The following DAB1 variants were observed in gnomAD, a reference collection of about 807,000 sequenced individuals.
DAB1 encodes DAB adaptor protein 1.
A neutral mutation model predicts 64.6 loss-of-function variants in DAB1; 15 were observed. That is an observed-to-expected ratio of 0.23 (90% CI 0.16 to 0.36). The LOEUF (loss-of-function observed/expected upper bound fraction) is 0.36, where lower values mean the gene tolerates loss of function less well. Ranked by LOEUF, DAB1 falls within the 10% of genes least tolerant of loss-of-function variation. The pLI is 1.00. For synonymous variants in DAB1, 235 were observed against 251.9 expected (o/e 0.93, Z 0.64); for missense variants, 596 against 706.7 (o/e 0.84, Z 1.78).
chr1:57,523,029 G>C (rs543086376), intron 7 of DAB1, among the ~76,000 whole-genome samples: 1 of 152,302 alleles, frequency 6.6e-6, no homozygotes, highest in South Asian at 2.1e-4. Flanking sequence ...TTGAGACTCA[G>C]ACTGGCTTTC....
rs529699312 is a variant in DAB1 at position 58,481,912 on chromosome 1, T to A, written n.257+24148A>T. 3.9e-5 allele frequency among the ~76,000 whole-genome samples: 6 copies of A among 152,352 alleles called. No homozygotes were observed. In the South Asian group the frequency reaches 1.2e-3, roughly 32 times the overall value. ...TCAGCCATATGGAACTGTAAGTCAATTAAACCTCTTTCCTTCATAAATTAC... is the reference window on the plus strand; with the variant it reads ...TCAGCCATATGGAACTGTAAGTCAAATAAACCTCTTTCCTTCATAAATTAC... On this transcript the variant is annotated intron_variant and non_coding_transcript_variant, in intron 3 of 20. Transcript: ENST00000485760.
chr1:57,959,211 A>G (rs1474727645), intron 5 of DAB1, among the ~76,000 whole-genome samples: 1 of 152,216 alleles, frequency 6.6e-6, no homozygotes, highest in African/African-American at 2.4e-5. Flanking sequence ...TTCAACTGAA[A>G]TATGGGACAG....
intron 6 of DAB1, among the ~76,000 whole-genome samples, chr1:57,665,849 C>CTG (rs397862533): frequency 0.13 from 17,301 of 137,040 alleles, 987 homozygotes; most frequent in Admixed American, 0.15. Context: ...TTTTAATTAT[C>CTG]TGTGTGTGTG....
intron 5 of DAB1, among the ~76,000 whole-genome samples, chr1:57,910,833 G>C (rs1644632924): frequency 6.6e-6 from 1 of 152,174 alleles, no homozygotes. Flanking sequence ...AACAGACCAG[G>C]GTTTGGATCT....
At chr1:58,089,961 T>G (rs1369619858) in intron 5 of DAB1, among the ~76,000 whole-genome samples, 1 of 152,210 alleles carries the variant, frequency 6.6e-6, no homozygotes, top group Non-Finnish European at 1.5e-5. Flanking sequence ...AACAATTACC[T>G]AGACTCAACA....
intron 3 of DAB1, among the ~76,000 whole-genome samples, chr1:57,141,902 G>C (rs769812243): frequency 1.3e-5 from 2 of 152,074 alleles, no homozygotes; most frequent in East Asian, 1.9e-4. Flanking sequence ...GTGTCTTGTC[G>C]AACACAGGCC....
intron 2 of DAB1, among the ~76,000 whole-genome samples, chr1:57,240,624 A>G (rs1446244278): frequency 6.6e-6 from 1 of 152,198 alleles, no homozygotes; most frequent in Non-Finnish European, 1.5e-5. Flanking sequence ...TGTATGCCCA[A>G]TATTGCTTAC....
chr1:57,493,753 G>A (rs537883643), intron 7 of DAB1, among the ~76,000 whole-genome samples: 19 of 134,752 alleles, frequency 1.4e-4, no homozygotes, highest in African/African-American at 6.1e-4. Context: ...GCAGGCTGAC[G>A]TATTCACAGC....
chr1:57,958,809 C>T (rs553377958), intron 5 of DAB1, among the ~76,000 whole-genome samples: 3 of 152,268 alleles, frequency 2.0e-5, no homozygotes, highest in Admixed American at 2.0e-4. Context: ...ACATCATCTT[C>T]CTTCTATGCT....
chr1:57,817,775 G>A (rs535733115), intron 6 of DAB1, among the ~76,000 whole-genome samples: 5 of 152,206 alleles, frequency 3.3e-5, no homozygotes, highest in East Asian at 1.9e-4. Flanking sequence ...ATCTAAGTCC[G>A]TGCTTTCCTC....
intron 4 of DAB1, among the ~76,000 whole-genome samples, chr1:58,307,750 T>G: frequency 7.0e-6 from 1 of 142,464 alleles, no homozygotes. Context: ...ATTTTGGGGG[T>G]GAAGTGAGTG....
rs368788602 is a variant in DAB1, at chr1:58,452,705, A to G, written n.257+53355T>C. ...GCTGGGCATGATGGTGGGTGCCTGT[A>G]CTACTCCCAGCTACTCAGAGGCTGA... On this transcript the variant is annotated intron_variant and non_coding_transcript_variant, in intron 3 of 20. Transcript: ENST00000485760. Among the ~76,000 whole-genome samples, 8 of 151,648 alleles carry G rather than the reference A, an allele frequency of 5.3e-5. No individual in the cohort carries two copies. The East Asian group carries it at 1.4e-3, about 26-fold the overall frequency.
At chr1:57,996,603 A>G (rs1646428881) in intron 5 of DAB1, among the ~76,000 whole-genome samples, 1 of 152,208 alleles carries the variant, frequency 6.6e-6, no homozygotes, top group African/African-American at 2.4e-5. Context: ...TCACTTTGAC[A>G]GCATCTTCCG....
At chr1:58,459,562 G>A (rs555281050) in intron 3 of DAB1, among the ~76,000 whole-genome samples, 24 of 152,204 alleles carry the variant, frequency 1.6e-4, no homozygotes, top group Non-Finnish European at 3.2e-4. Context: ...GCCCAAAGGA[G>A]AAAGAAAGAA....
intron 5 of DAB1, among the ~76,000 whole-genome samples, chr1:58,083,086 G>A (rs1474745760): frequency 3.3e-5 from 5 of 152,184 alleles, no homozygotes; most frequent in Non-Finnish European, 1.5e-5. Context: ...AGCTCTGAGT[G>A]AAGGCGCAAA....
intron 6 of DAB1, among the ~76,000 whole-genome samples, chr1:57,702,298 TG>T (rs1256861061): frequency 6.6e-6 from 1 of 152,216 alleles, no homozygotes; most frequent in East Asian, 1.9e-4. Context: ...TTTATTTTGG[TG>T]GGGGCTAAAA....
intron 3 of DAB1, among the ~76,000 whole-genome samples, chr1:58,445,977 A>C (rs1203795344): frequency 6.6e-6 from 1 of 152,166 alleles, no homozygotes; most frequent in Non-Finnish European, 1.5e-5. Flanking sequence ...TAGGGTAAGC[A>C]ACCATTCTGA....
intron 4 of DAB1, among the ~76,000 whole-genome samples, chr1:58,215,401 GTTTTT>G (rs57757954): frequency 6.9e-6 from 1 of 145,736 alleles, no homozygotes. Context: ...CCATGATAGT[GTTTTT>G]TTTTTTTTTT....
intron 9 of DAB1, among the ~76,000 whole-genome samples, chr1:57,049,987 C>G (rs1412599267): frequency 6.6e-6 from 1 of 152,164 alleles, no homozygotes; most frequent in Non-Finnish European, 1.5e-5. Flanking sequence ...GTCCTCTGGG[C>G]TCCCACTGGG....
Sources: allele counts gnomAD v4.1 joint callset (sites outside exome capture counted in the v4.1 genomes callset), GRCh38; gene constraint gnomAD v4.1.1; transcripts MANE v1.5; gene names NCBI Gene and HGNC (gene_info 2026-07-23, HGNC 2026-07-21).